MYOCD: variants seen among roughly 807,000 people sequenced by gnomAD.
The protein encoded by MYOCD is myocardin.
In MYOCD, 32 loss-of-function variants were observed where a neutral mutation model predicts 96.1. The observed-to-expected ratio is 0.33, with a 90% CI of 0.25 to 0.45. The LOEUF is 0.45. Among genes scored for constraint, MYOCD ranks in the 20% least tolerant of loss-of-function variants. The pLI, the probability that MYOCD is intolerant of heterozygous loss-of-function variation, is 1.00. For missense variants in MYOCD, 1,133 were observed against 1,200.6 expected, an observed-to-expected ratio of 0.94 and a Z score of 0.83; for synonymous variants, 469 against 469.0, an observed-to-expected ratio of 1.00 and a Z score of 0.00.
At position 12,712,920 on chromosome 17, in the gene MYOCD, C is replaced by G. The variant is rs182332166; in HGVS notation, c.122-2599C>G. ...GGTTTTTTGTGTATTTTCCAAAAAC[C>G]CAACTGAGAGGTGGGGGGCTCCATT... On this transcript the variant is annotated intron_variant, in intron 2 of 13. Transcript: ENST00000425538. Among the ~76,000 whole-genome samples, 295 of 152,174 alleles carry G rather than the reference C, an allele frequency of 1.9e-3. 2 individuals are homozygous for G. Among genetic ancestry groups the G allele is most frequent in the African/African-American group, 7.0e-3 (289 of 41,488 alleles).
At chr17:12,745,480 A>G (rs1357342256) in intron 8 of MYOCD, among the ~76,000 whole-genome samples, 1 of 152,164 alleles carries the variant, frequency 6.6e-6, no homozygotes, top group Non-Finnish European at 1.5e-5. Flanking sequence ...AAGTGCTCGG[A>G]TTACAGGCAT....
chr17:12,698,069 G>A (rs2030866490), intron 1 of MYOCD, among the ~76,000 whole-genome samples: 1 of 152,164 alleles, frequency 6.6e-6, no homozygotes, highest in African/African-American at 2.4e-5. Flanking sequence ...GGGGAATAAT[G>A]TGCATATAGG....
At chr17:12,719,161 G>A (rs1293417540) in intron 4 of MYOCD, among the ~76,000 whole-genome samples, 2 of 109,180 alleles carry the variant, frequency 1.8e-5, no homozygotes, top group Admixed American at 1.1e-4. Context: ...GGCCACAGAG[G>A]GAGACTCTGT....
chr17:12,732,838 C>A lies in MYOCD; in HGVS notation c.416-3323C>A, dbSNP rs190538116. ...TTCACTGGTAGTAACTTCAGGGCTGCAACAATCTTTCCACCCCTTTACTGA... is the reference window on the plus strand; with the variant it reads ...TTCACTGGTAGTAACTTCAGGGCTGAAACAATCTTTCCACCCCTTTACTGA... On this transcript the variant is annotated intron_variant, in intron 5 of 13. Coordinates refer to ENST00000425538, the MANE Select transcript of MYOCD (RefSeq NM_001146312.3). 1.5e-3 allele frequency among the ~76,000 whole-genome samples: 221 copies of A among 152,294 alleles called. 2 individuals carry two copies. Among genetic ancestry groups the A allele is most frequent in the Admixed American group, 4.3e-3 (65 of 15,290 alleles).
At chr17:12,704,400 G>A (rs894452172) in intron 1 of MYOCD, among the ~76,000 whole-genome samples, 1 of 152,106 alleles carries the variant, frequency 6.6e-6, no homozygotes, top group Non-Finnish European at 1.5e-5. Context: ...TATATGATAT[G>A]TATAATCTAT....
intron 1 of MYOCD, among the ~76,000 whole-genome samples, chr17:12,704,203 A>C (rs751818901): frequency 6.6e-6 from 1 of 152,104 alleles, no homozygotes; most frequent in Non-Finnish European, 1.5e-5. Flanking sequence ...GATTAATCCA[A>C]GTGGATTCAA....
In MYOCD at chr17:12,666,177, CT is replaced by C; in HGVS notation, c.-11del. On this transcript the variant is annotated 5_prime_UTR_variant, in exon 1 of 14. An upstream open reading frame in the 5' UTR loses its in-frame stop. Coordinates refer to ENST00000425538, the MANE Select transcript of MYOCD (RefSeq NM_001146312.3). ...GCCTGGCCAAGGGACCAGCGGCTTG[CT>C]GAGACTCAACATGACACTCCTGGGG... 6.2e-7 allele frequency: 1 copy of C among 1,612,262 alleles called. No homozygotes were observed. The highest frequency in any genetic ancestry group is 8.5e-7 in the Non-Finnish European group (1 of 1,178,586).
chr17:12,760,354 G>C, intron 12 of MYOCD: 1 of 374,726 alleles, frequency 2.7e-6, no homozygotes, highest in Non-Finnish European at 5.1e-6. Flanking sequence ...TAAAGGATGG[G>C]GTGTGGGAAA....
At chr17:12,758,541 G>C (rs1371253079) in intron 12 of MYOCD, among the ~76,000 whole-genome samples, 1 of 152,126 alleles carries the variant, frequency 6.6e-6, no homozygotes, top group African/African-American at 2.4e-5. Context: ...AGATAGCCTC[G>C]CACTTACCAC....
At chr17:12,689,122 C>T (rs1039368025) in intron 1 of MYOCD, among the ~76,000 whole-genome samples, 1 of 152,152 alleles carries the variant, frequency 6.6e-6, no homozygotes, top group Admixed American at 6.5e-5. Context: ...TTTGTCTGCT[C>T]CCTTCTTCCC....
chr17:12,758,010 G>A, intron 11 of MYOCD, 75 bp from the exon 12 acceptor site: 3 of 1,236,414 alleles, frequency 2.4e-6, no homozygotes, highest in South Asian at 2.6e-5. Context: ...AATTTAGCCT[G>A]TTGTTTCTAG....
chr17:12,735,982 A>C (rs1300391936), intron 5 of MYOCD, among the ~76,000 whole-genome samples, 179 bp from the exon 6 acceptor site: 1 of 152,248 alleles, frequency 6.6e-6, no homozygotes, highest in Non-Finnish European at 1.5e-5. Flanking sequence ...CTCCATGCCA[A>C]ACAAACCGCT....
rs1015257265 is a variant in MYOCD at position 12,665,978 on chromosome 17, G to A, written c.-211G>A. The A allele has an allele frequency of 3.7e-6, 2 of 539,150 alleles. No individual in the cohort carries two copies. The highest frequency in any genetic ancestry group is 2.6e-5 in the South Asian group (1 of 38,510). The allele number at this position is 539,150 out of a possible 1,614,324, so 33.4% of individuals were successfully genotyped here. ...CTCCGAGGAGGAGGAGGGTCCCGCC[G>A]GCTAAGAGTTAATTAGCCCCGCACG... On this transcript the variant is annotated 5_prime_UTR_variant, in exon 1 of 14. Transcript: ENST00000425538. The surrounding 1 kb of genome is among the most constrained non-coding windows in gnomAD (Gnocchi z 4.2).
At chr17:12,748,156 G>A (rs1180062734) in intron 9 of MYOCD, among the ~76,000 whole-genome samples, 21 of 82,260 alleles carry the variant, frequency 2.6e-4, no homozygotes, top group Middle Eastern at 7.7e-3. Context: ...GCTTGACTCC[G>A]TCTCAAAAAA....
At chr17:12,758,818 G>T (rs1187587570) in intron 12 of MYOCD, among the ~76,000 whole-genome samples, 2 of 152,218 alleles carry the variant, frequency 1.3e-5, no homozygotes, top group African/African-American at 4.8e-5. Flanking sequence ...GGAGGCCAAG[G>T]TGAGTGGATC....
chr17:12,746,030 T>C lies in MYOCD; in HGVS notation c.1083T>C (p.Ser361=). The C allele has an allele frequency of 6.2e-7, 1 of 1,614,212 alleles. No individual in the cohort carries two copies. The highest frequency in any genetic ancestry group is 8.5e-7 in the Non-Finnish European group (1 of 1,180,034). ...NSFSGQTGVS[S]FKPGPLPPNL... ...TTTCTGGACAAACTGGTGTCTCTTC[T>C]TTCAAACCAGGCCCACTCCCACCTA... The change falls in exon 9 of 14, where the codon TCT becomes TCC. Residue 361 remains serine (S), a synonymous_variant. Transcript: ENST00000425538.
chr17:12,748,309 G>A (rs2032732968), intron 9 of MYOCD, among the ~76,000 whole-genome samples: 1 of 152,036 alleles, frequency 6.6e-6, no homozygotes, highest in South Asian at 2.1e-4. Flanking sequence ...TTATATTATG[G>A]CTTTTTAAGA....
chr17:12,707,186 T>C (rs1376765323), intron 2 of MYOCD, among the ~76,000 whole-genome samples: 2 of 152,238 alleles, frequency 1.3e-5, no homozygotes, highest in African/African-American at 4.8e-5. Flanking sequence ...AGCAGAGCAG[T>C]GTGTTTCCTC....
intron 1 of MYOCD, among the ~76,000 whole-genome samples, chr17:12,685,662 A>G (rs1353719342): frequency 6.6e-6 from 1 of 152,170 alleles, no homozygotes; most frequent in African/African-American, 2.4e-5. Flanking sequence ...CATCTTAACC[A>G]TAAATTTCTC....
Sources: allele counts gnomAD v4.1 joint callset (sites outside exome capture counted in the v4.1 genomes callset), GRCh38; gene constraint gnomAD v4.1.1; non-coding constraint Gnocchi (gnomAD v3.1); transcripts MANE v1.5; gene names NCBI Gene and HGNC (gene_info 2026-07-23, HGNC 2026-07-21).